Variants in LRP1B observed in about 807,000 individuals in gnomAD.
The protein encoded by LRP1B is LDL receptor related protein 1B, also known as low-density lipoprotein receptor-related protein 1B.
In LRP1B, 217 loss-of-function variants were observed where a neutral mutation model predicts 556.6. The observed-to-expected ratio is 0.39, with a 90% confidence interval of 0.35 to 0.44. LRP1B has a LOEUF of 0.44. Ranked by LOEUF, LRP1B falls within the 20% of genes least tolerant of loss-of-function variation. LRP1B has a pLI of 1.00. For synonymous variants in LRP1B, 2,047 were observed against 1,865.8 expected, an observed-to-expected ratio of 1.10 and a Z score of -2.50; for missense variants, 5,053 against 5,620.8, an observed-to-expected ratio of 0.90 and a Z score of 3.23.
chr2:141,359,313 T>TA (rs1344848523), intron 3 of LRP1B, among the ~76,000 whole-genome samples: 3 of 145,262 alleles, frequency 2.1e-5, no homozygotes, highest in East Asian at 3.9e-4. Flanking sequence ...CAAATGCTAT[T>TA]AAAAAATACA....
intron 1 of LRP1B, among the ~76,000 whole-genome samples, chr2:141,950,627 G>A (rs1359375784): frequency 6.6e-6 from 1 of 152,070 alleles, no homozygotes; most frequent in Non-Finnish European, 1.5e-5. Flanking sequence ...TGGAATTTTG[G>A]ATAATGAAAC....
intron 32 of LRP1B, among the ~76,000 whole-genome samples, chr2:140,804,690 AACTCAC>A (rs1690651600): frequency 1.0e-5 from 1 of 98,712 alleles, no homozygotes; most frequent in African/African-American, 3.8e-5. Context: ...CATTAGCTGT[AACTCAC>A]ATTTTTTTCA....
intron 2 of LRP1B, among the ~76,000 whole-genome samples, chr2:141,526,192 A>T (rs1221033623): frequency 6.6e-6 from 1 of 152,070 alleles, no homozygotes; most frequent in Non-Finnish European, 1.5e-5. Context: ...AGACATTTTC[A>T]CAAGTGTAAA....
At chr2:141,108,682 C>A (rs1347847872) in intron 7 of LRP1B, among the ~76,000 whole-genome samples, 1 of 151,912 alleles carries the variant, frequency 6.6e-6, no homozygotes, top group Non-Finnish European at 1.5e-5. Context: ...CATATTTAGA[C>A]ATAAGTGACA....
intron 41 of LRP1B, among the ~76,000 whole-genome samples, chr2:140,690,682 C>T (rs991097220): frequency 8.5e-5 from 13 of 152,096 alleles, no homozygotes; most frequent in African/African-American, 3.1e-4. Flanking sequence ...TCATGACTGA[C>T]TCCAGGTTCT....
At chr2:140,396,375 T>G (rs1428673295) in intron 66 of LRP1B, among the ~76,000 whole-genome samples, 2 of 152,242 alleles carry the variant, frequency 1.3e-5, no homozygotes, top group Non-Finnish European at 2.9e-5. Context: ...TGTCTGATCC[T>G]GATCAGAACC....
At chr2:141,082,232 C>A (rs1699941962) in intron 7 of LRP1B, among the ~76,000 whole-genome samples, 1 of 152,038 alleles carries the variant, frequency 6.6e-6, no homozygotes, top group Non-Finnish European at 1.5e-5. Flanking sequence ...AGTGAAATGC[C>A]AAGTCAATGT....
chr2:142,096,709 C>A (rs1338945850), intron 1 of LRP1B, among the ~76,000 whole-genome samples: 1 of 151,522 alleles, frequency 6.6e-6, no homozygotes, highest in African/African-American at 2.4e-5. Flanking sequence ...CAGATGTAAA[C>A]TTCTATTTTA....
At chr2:142,058,443 G>A (rs772833687) in intron 1 of LRP1B, among the ~76,000 whole-genome samples, 6 of 152,254 alleles carry the variant, frequency 3.9e-5, no homozygotes, top group Middle Eastern at 3.4e-3. Context: ...ATACTTTAGC[G>A]CAAGCTTGTG....
chr2:141,476,774 T>A (rs958222013), intron 3 of LRP1B, among the ~76,000 whole-genome samples: 1 of 152,176 alleles, frequency 6.6e-6, no homozygotes, highest in African/African-American at 2.4e-5. Flanking sequence ...TTTTCCCTTA[T>A]TAGTTTTATA....
intron 3 of LRP1B, among the ~76,000 whole-genome samples, chr2:141,331,717 C>G (rs1687664755): frequency 6.6e-6 from 1 of 151,966 alleles, no homozygotes; most frequent in African/African-American, 2.4e-5. Context: ...ATTCTTTGTA[C>G]TGTACTGTAA....
chr2:141,454,248 T>G (rs553803127), intron 3 of LRP1B, among the ~76,000 whole-genome samples: 1 of 152,344 alleles, frequency 6.6e-6, no homozygotes, highest in East Asian at 1.9e-4. Flanking sequence ...CTGTTGATAA[T>G]GAGTTAGACA....
intron 20 of LRP1B, among the ~76,000 whole-genome samples, chr2:140,940,864 T>C (rs2105286329): frequency 6.6e-6 from 1 of 152,310 alleles, no homozygotes; most frequent in East Asian, 1.9e-4. Flanking sequence ...CCACAATGTT[T>C]GAACTAATTT....
chr2:141,213,953 A>G (rs1046040369), intron 6 of LRP1B, among the ~76,000 whole-genome samples: 7 of 152,116 alleles, frequency 4.6e-5, no homozygotes, highest in African/African-American at 1.7e-4. Flanking sequence ...TCTCTAGGTT[A>G]CTTATACTAC....
intron 41 of LRP1B, among the ~76,000 whole-genome samples, chr2:140,681,307 GAATA>G (rs1053659439): frequency 1.1e-4 from 16 of 151,818 alleles, no homozygotes; most frequent in East Asian, 5.8e-4. Context: ...AGAAAAGAAG[GAATA>G]AATAAATGAG....
At chr2:140,768,183 C>G (rs529457625) in intron 35 of LRP1B, among the ~76,000 whole-genome samples, 2 of 151,930 alleles carry the variant, frequency 1.3e-5, no homozygotes, top group African/African-American at 4.8e-5. Context: ...CTTAAGAAAA[C>G]TCATTTTTGA....
intron 2 of LRP1B, among the ~76,000 whole-genome samples, chr2:141,804,965 C>G (rs1696124324): frequency 6.6e-6 from 1 of 152,082 alleles, no homozygotes; most frequent in African/African-American, 2.4e-5. Flanking sequence ...TGAAGGGACA[C>G]TGTGGTACAT....
At chr2:141,986,937 T>C (rs1362338950) in intron 1 of LRP1B, among the ~76,000 whole-genome samples, 1 of 152,046 alleles carries the variant, frequency 6.6e-6, no homozygotes, top group Non-Finnish European at 1.5e-5. Context: ...CAAGCCTGTG[T>C]TGTACCACTT....
chr2:140,647,016 C>G (rs1042775176), intron 41 of LRP1B, among the ~76,000 whole-genome samples: 8 of 152,020 alleles, frequency 5.3e-5, no homozygotes, highest in African/African-American at 1.9e-4. Flanking sequence ...AATTTATACT[C>G]TAGAGAAATA....
Sources: gnomAD v4.1 joint callset for allele counts (sites outside exome capture counted in the v4.1 genomes callset) on GRCh38, gnomAD v4.1.1 for gene constraint, MANE v1.5 for transcripts, NCBI Gene and HGNC (gene_info 2026-07-23, HGNC 2026-07-21) for gene names.